Variants in ADAMTS17 observed in about 807,000 individuals in gnomAD.
ADAMTS17 encodes ADAM metallopeptidase with thrombospondin type 1 motif 17.
In ADAMTS17, 113 loss-of-function variants were observed where a neutral mutation model predicts 141.5. The ratio of observed to expected loss-of-function variants is 0.80; its 90% CI spans 0.69 to 0.93. The LOEUF is 0.93. Among genes scored for constraint, ADAMTS17 ranks in the 40% least tolerant of loss-of-function variants. The pLI is 0.00. For missense variants in ADAMTS17, 1,659 were observed against 1,517.9 expected (o/e 1.09, Z -1.54); for synonymous variants, 768 against 630.6 (o/e 1.22, Z -3.27).
chr15:100,190,578 C>T (rs1183607436), intron 8 of ADAMTS17, among the ~76,000 whole-genome samples: 1 of 152,150 alleles, frequency 6.6e-6, no homozygotes, highest in Non-Finnish European at 1.5e-5. Flanking sequence ...TTGACCGGAG[C>T]AAGGGCACAG....
intron 8 of ADAMTS17, among the ~76,000 whole-genome samples, chr15:100,160,666 T>C (rs1377292628): frequency 6.6e-6 from 1 of 152,194 alleles, no homozygotes; most frequent in Non-Finnish European, 1.5e-5. Context: ...GCACACCACG[T>C]CCAGTGAGCG....
At chr15:100,252,276 C>T (rs2043178383) in intron 7 of ADAMTS17, among the ~76,000 whole-genome samples, 1 of 152,190 alleles carries the variant, frequency 6.6e-6, no homozygotes, top group Non-Finnish European at 1.5e-5. Flanking sequence ...GGAGTCCCTT[C>T]ACCTGCATTC....
chr15:100,251,379 T>A (rs1383047920), intron 7 of ADAMTS17, among the ~76,000 whole-genome samples: 1 of 152,218 alleles, frequency 6.6e-6, no homozygotes, highest in Non-Finnish European at 1.5e-5. Flanking sequence ...AATTCTTATG[T>A]AGAAACCCTA....
At chr15:100,235,930 G>C (rs1168469637) in intron 7 of ADAMTS17, among the ~76,000 whole-genome samples, 2 of 152,080 alleles carry the variant, frequency 1.3e-5, no homozygotes, top group Non-Finnish European at 2.9e-5. Context: ...CAGAGGCCAG[G>C]CTCAAAACCA....
intron 10 of ADAMTS17, among the ~76,000 whole-genome samples, chr15:100,146,790 C>T (rs563002923): frequency 1.3e-5 from 2 of 152,266 alleles, no homozygotes; most frequent in South Asian, 2.1e-4. Context: ...CTATAGATGG[C>T]CCCCCTGGGT....
chr15:100,026,919 A>G (rs1174235854), intron 18 of ADAMTS17, among the ~76,000 whole-genome samples: 3 of 152,240 alleles, frequency 2.0e-5, no homozygotes, highest in Non-Finnish European at 4.4e-5. Context: ...ACCAGCAATG[A>G]CAGAGATTGC....
intron 15 of ADAMTS17, among the ~76,000 whole-genome samples, chr15:100,073,260 A>G (rs2141745654): frequency 6.6e-6 from 1 of 152,316 alleles, no homozygotes; most frequent in East Asian, 1.9e-4. Flanking sequence ...AAGTCAGGAA[A>G]CAACAGGTGC....
chr15:100,147,043 T>C (rs982458503), intron 10 of ADAMTS17, among the ~76,000 whole-genome samples: 79 of 152,156 alleles, frequency 5.2e-4, no homozygotes, highest in African/African-American at 1.9e-3. Context: ...ACTTGCCTTG[T>C]GATATTCTAT....
intron 8 of ADAMTS17, among the ~76,000 whole-genome samples, chr15:100,192,193 C>A (rs928556289): frequency 1.3e-5 from 2 of 152,206 alleles, no homozygotes; most frequent in Non-Finnish European, 2.9e-5. Context: ...AGGAATCACT[C>A]CAAGCTCCGC....
chr15:100,035,234 C>G (rs566932315), intron 18 of ADAMTS17, among the ~76,000 whole-genome samples: 32 of 152,274 alleles, frequency 2.1e-4, no homozygotes, highest in Admixed American at 2.0e-3. Flanking sequence ...GACAGGCAGT[C>G]CTGAATGTTT....
chr15:100,219,201 A>G (rs1390071205), intron 7 of ADAMTS17, among the ~76,000 whole-genome samples: 1 of 152,196 alleles, frequency 6.6e-6, no homozygotes, highest in Non-Finnish European at 1.5e-5. Flanking sequence ...TGTTGACAGG[A>G]AATGTGGAAT....
At chr15:100,148,619 T>C (rs1458753683) in intron 10 of ADAMTS17, among the ~76,000 whole-genome samples, 1 of 152,116 alleles carries the variant, frequency 6.6e-6, no homozygotes, top group East Asian at 1.9e-4. Flanking sequence ...TATCTGTATA[T>C]AACTTATCTG....
chr15:100,242,582 A>G (rs1004298990), intron 7 of ADAMTS17, among the ~76,000 whole-genome samples: 35 of 151,892 alleles, frequency 2.3e-4, no homozygotes, highest in African/African-American at 7.7e-4. Context: ...AGCCTCTCCC[A>G]TCCTAGGCGG....
intron 3 of ADAMTS17, among the ~76,000 whole-genome samples, chr15:100,310,117 G>A (rs894500): frequency 6.6e-6 from 1 of 151,978 alleles, no homozygotes; most frequent in Non-Finnish European, 1.5e-5. Context: ...AAGCAGGCCC[G>A]TGACAGAAAT....
intron 15 of ADAMTS17, among the ~76,000 whole-genome samples, chr15:100,065,307 T>A (rs1413261394): frequency 6.6e-6 from 1 of 152,180 alleles, no homozygotes; most frequent in East Asian, 1.9e-4. Context: ...TTCAAAATAA[T>A]TAGTTTTGCT....
intron 3 of ADAMTS17, among the ~76,000 whole-genome samples, chr15:100,286,517 T>C (rs2044453874): frequency 1.3e-5 from 2 of 152,148 alleles, no homozygotes. Context: ...GCTGGGAAAC[T>C]CATACCGGCA....
rs1021949228 is a variant in ADAMTS17, at chr15:100,214,835, G to A, written c.1076-15412C>T. Reference sequence around the variant, plus strand: ...AGCGACACGGCACACTTCCTGAGACGGTCCTCGATTATCACTATGAGCACA... The same window carrying A: ...AGCGACACGGCACACTTCCTGAGACAGTCCTCGATTATCACTATGAGCACA... On this transcript the variant is annotated intron_variant, in intron 7 of 21. Coordinates refer to ENST00000268070, the MANE Select transcript of ADAMTS17 (RefSeq NM_139057.4). Among the ~76,000 whole-genome samples the A allele has an allele frequency of 9.2e-5, 14 of 152,182 alleles. 1 individual carries two copies. Among genetic ancestry groups the A allele is most frequent in the Admixed American group, 2.6e-4 (4 of 15,286 alleles).
intron 18 of ADAMTS17, among the ~76,000 whole-genome samples, chr15:100,046,902 A>G (rs548751775): frequency 7.9e-5 from 12 of 152,310 alleles, no homozygotes; most frequent in African/African-American, 2.4e-4. Flanking sequence ...TAACAGCAAC[A>G]TTCAGGGAAC....
At chr15:100,328,947 C>T (rs1222611330) in intron 3 of ADAMTS17, among the ~76,000 whole-genome samples, 1 of 152,170 alleles carries the variant, frequency 6.6e-6, no homozygotes, top group Non-Finnish European at 1.5e-5. Flanking sequence ...GGAAAATCCA[C>T]TCCCGATGGC....
Sources: gnomAD v4.1 joint callset for allele counts (sites outside exome capture counted in the v4.1 genomes callset) on GRCh38, gnomAD v4.1.1 for gene constraint, MANE v1.5 for transcripts, NCBI Gene and HGNC (gene_info 2026-07-23, HGNC 2026-07-21) for gene names.